PC: variants seen among roughly 807,000 people sequenced by gnomAD.
PC encodes the protein pyruvate carboxylase, mitochondrial.
A neutral mutation model predicts 107.8 loss-of-function variants in PC; 46 were observed. That is an observed-to-expected ratio of 0.43 (90% CI 0.34 to 0.55). The LOEUF is 0.55. Ranked by LOEUF, PC falls within the 20% of genes least tolerant of loss-of-function variation. PC has a pLI of 0.04. For missense variants in PC, 1,241 were observed against 1,643.1 expected (o/e 0.76, Z 4.23); for synonymous variants, 662 against 684.7 (o/e 0.97, Z 0.52).
At chr11:66,863,503 G>A (rs978017065) in intron 12 of PC, among the ~76,000 whole-genome samples, 6 of 152,196 alleles carry the variant, frequency 3.9e-5, no homozygotes, top group Non-Finnish European at 2.9e-5. Flanking sequence ...GGGTCTCCCC[G>A]GAACAAGACT....
At chr11:66,918,590 C>G (rs1948518760) in intron 3 of PC, among the ~76,000 whole-genome samples, 1 of 151,764 alleles carries the variant, frequency 6.6e-6, no homozygotes, top group African/African-American at 2.4e-5. Context: ...CCAGGATGGT[C>G]TCGAACTCCT....
chr11:66,893,704 G>A (rs1947650778), intron 3 of PC, among the ~76,000 whole-genome samples: 1 of 152,084 alleles, frequency 6.6e-6, no homozygotes, highest in African/African-American at 2.4e-5. Context: ...ACAGGCACTT[G>A]GAGGTTGAAG....
chr11:66,890,097 G>A (rs974820994), intron 3 of PC, among the ~76,000 whole-genome samples: 21 of 152,164 alleles, frequency 1.4e-4, no homozygotes, highest in African/African-American at 4.8e-4. Flanking sequence ...AACCAATGTG[G>A]CAGTGTCAGA....
At chr11:66,940,199 CTTTT>C (rs144463616) in intron 3 of PC, among the ~76,000 whole-genome samples, 6 of 137,390 alleles carry the variant, frequency 4.4e-5, no homozygotes, top group African/African-American at 5.4e-5. Context: ...GTTCCCAAAA[CTTTT>C]TTTTTTTTTT....
At chr11:66,900,510 T>A (rs2136041300) in intron 3 of PC, among the ~76,000 whole-genome samples, 1 of 152,228 alleles carries the variant, frequency 6.6e-6, no homozygotes, top group East Asian at 1.9e-4. Context: ...CCCTTACATT[T>A]CTCTGTGAAT....
rs372125858 is a variant in PC at position 66,868,950 on chromosome 11, G to A, written c.918C>T (p.Asn306=). 127 of 1,613,622 alleles carry A rather than the reference G, an allele frequency of 7.9e-5. No homozygotes were observed. Among genetic ancestry groups the A allele is most frequent in the Non-Finnish European group, 9.6e-5 (113 of 1,179,902 alleles). Residue 306 remains asparagine, a synonymous_variant, in exon 10 of 23, where the codon AAC becomes AAT. Coordinates refer to ENST00000393960, the MANE Select transcript of PC (RefSeq NM_001040716.2). Reference sequence around the variant, plus strand: ...CCACCAGGAACTCCACGGTGCCTGCGTTCTCGTAGCCCACCTGTGGGGGCG... The same window carrying A: ...CCACCAGGAACTCCACGGTGCCTGCATTCTCGTAGCCCACCTGTGGGGGCG... ...VKLAKQVGYE[N]AGTVEFLVDR...
At chr11:66,878,113 A>G (rs886121723) in intron 3 of PC, among the ~76,000 whole-genome samples, 3 of 152,026 alleles carry the variant, frequency 2.0e-5, no homozygotes, top group Non-Finnish European at 4.4e-5. Flanking sequence ...GGACTTGGCT[A>G]TGTGTCTCCC....
At chr11:66,904,457 G>A (rs1591261690) in intron 3 of PC, among the ~76,000 whole-genome samples, 1 of 152,282 alleles carries the variant, frequency 6.6e-6, no homozygotes, top group Middle Eastern at 3.4e-3. Context: ...TGGGCAATAC[G>A]GTGAAACTCT....
In PC at chr11:66,848,601, T is replaced by C. The variant is rs1418718716; in HGVS notation, c.*298A>G. The C allele has an allele frequency of 2.0e-5, 12 of 600,274 alleles. No homozygotes were observed. Among genetic ancestry groups the C allele is most frequent in the Non-Finnish European group, 3.3e-5 (11 of 336,398 alleles). The allele number at this position is 600,274 out of a possible 1,614,324, so 37.2% of individuals were successfully genotyped here. ...TTAGATCTCCCCTTCCCCCAGGAGA[T>C]AGGACCCCTAAACCTCCCCTGGGTC... is the stretch of plus-strand genomic sequence containing the variant. On this transcript the variant is annotated 3_prime_UTR_variant, in exon 23 of 23. Transcript: ENST00000393960.
chr11:66,914,810 G>A (rs543536936), intron 3 of PC, among the ~76,000 whole-genome samples: 148 of 152,062 alleles, frequency 9.7e-4, no homozygotes, highest in Non-Finnish European at 1.9e-3. Context: ...CAAAGTGGGA[G>A]GATGGCTTGA....
chr11:66,924,388 A>AAAAAAAAAAAT (rs1948666656), intron 3 of PC, among the ~76,000 whole-genome samples: 1 of 149,650 alleles, frequency 6.7e-6, no homozygotes, highest in Non-Finnish European at 1.5e-5. Context: ...AAAAAAAAAA[A>AAAAAAAAAAAT]ATTAGCTAGG....
chr11:66,888,980 A>G (rs1178342433), intron 3 of PC, among the ~76,000 whole-genome samples: 2 of 152,206 alleles, frequency 1.3e-5, no homozygotes, highest in Non-Finnish European at 2.9e-5. Context: ...ACGCTGAGGC[A>G]GGAGAATCGC....
chr11:66,861,587 C>T (rs1470599679), intron 12 of PC, among the ~76,000 whole-genome samples: 7 of 149,892 alleles, frequency 4.7e-5, no homozygotes, highest in East Asian at 2.0e-4. Context: ...GCAAGGTCCT[C>T]GACAGAGAAG....
intron 1 of PC, among the ~76,000 whole-genome samples, chr11:66,954,760 A>G (rs1025115385): frequency 1.3e-5 from 2 of 152,194 alleles, no homozygotes; most frequent in African/African-American, 4.8e-5. Context: ...CCTGCCCAAC[A>G]TAGTGAAACC....
At position 66,852,566 on chromosome 11, in the gene PC, C is replaced by CT; in HGVS notation, c.1697_1698insA (p.Met566IlefsTer48). ...GGTGGGCGTCCCTGAAGGTCGTGTC[C>CT]ATCAGCAGCAGCCCCGGGTGGTTCC... On this transcript the variant is annotated frameshift_variant, in exon 15 of 23. Transcript: ENST00000393960. LOFTEE classifies it high-confidence loss of function. The surrounding 1 kb of genome is among the most constrained non-coding windows in gnomAD (Gnocchi z 4.7). 3 of 1,614,054 alleles carry CT rather than the reference C, an allele frequency of 1.9e-6. No homozygotes were observed. The highest frequency in any genetic ancestry group is 2.5e-6 in the Non-Finnish European group (3 of 1,180,034).
intron 9 of PC, 112 bp from the exon 10 acceptor site, chr11:66,869,076 G>A: frequency 1.2e-6 from 1 of 803,762 alleles, no homozygotes; most frequent in Non-Finnish European, 2.1e-6. Flanking sequence ...GTAAAAGAAT[G>A]GCCTGTGGCA....
chr11:66,864,122 C>T (rs971750139), intron 11 of PC, among the ~76,000 whole-genome samples, 166 bp from the exon 12 acceptor site: 1 of 152,244 alleles, frequency 6.6e-6, no homozygotes, highest in African/African-American at 2.4e-5. Context: ...CTGTTTCTGC[C>T]ACCAAACCCA....
intron 3 of PC, among the ~76,000 whole-genome samples, chr11:66,918,487 C>G (rs1181421133): frequency 1.3e-5 from 2 of 151,800 alleles, no homozygotes; most frequent in East Asian, 3.9e-4. Flanking sequence ...CTCCTGGGTT[C>G]AAGAGATCCT....
chr11:66,868,084 GA>G (rs1946570746), intron 10 of PC, among the ~76,000 whole-genome samples: 1 of 152,228 alleles, frequency 6.6e-6, no homozygotes, highest in African/African-American at 2.4e-5. Flanking sequence ...TGCCTGCAGG[GA>G]GCACGCTAGT....
Sources: gnomAD v4.1 joint callset for allele counts (sites outside exome capture counted in the v4.1 genomes callset) on GRCh38, gnomAD v4.1.1 for gene constraint, Gnocchi (gnomAD v3.1) non-coding constraint, MANE v1.5 for transcripts, NCBI Gene and HGNC (gene_info 2026-07-23, HGNC 2026-07-21) for gene names.